CAB39: variants seen among roughly 807,000 people sequenced by gnomAD.
CAB39 encodes calcium-binding protein 39.
In CAB39, 8 loss-of-function variants were observed where a neutral mutation model predicts 40.0. The ratio of observed to expected loss-of-function variants is 0.20; its 90% confidence interval spans 0.12 to 0.36. The LOEUF (loss-of-function observed/expected upper bound fraction) is 0.36. Among genes scored for constraint, CAB39 ranks in the 10% least tolerant of loss-of-function variants. The probability of loss-of-function intolerance (pLI) is 1.00; values close to 1 mark genes in which losing one functional copy is unlikely to be tolerated. For missense variants in CAB39, 270 were observed against 401.1 expected, an observed-to-expected ratio of 0.67 and a Z score of 2.79; for synonymous variants, 156 against 141.6, an observed-to-expected ratio of 1.10 and a Z score of -0.72.
chr2:230,755,798 G>A (rs1467608278), intron 1 of CAB39, among the ~76,000 whole-genome samples: 1 of 152,222 alleles, frequency 6.6e-6, no homozygotes, highest in African/African-American at 2.4e-5. Context: ...TGTATAAAAG[G>A]AAATACTGCT....
rs886367067 is a variant in CAB39, at chr2:230,818,403, T to G, written c.838-113T>G. 5 of 783,468 alleles carry G rather than the reference T, an allele frequency of 6.4e-6. No homozygotes were observed. The African/African-American group carries it at 7.0e-5, about 11-fold the overall frequency. 48.5% of individuals were successfully genotyped at this position (783,468 alleles called of 1,614,324 possible). Reference sequence around the variant, plus strand: ...TAAAGCAAAACCTAATGACCCTGACTTCAGCGCCATCCCAGGAGAGCACAG... The same window carrying G: ...TAAAGCAAAACCTAATGACCCTGACGTCAGCGCCATCCCAGGAGAGCACAG... On this transcript the variant is annotated intron_variant, in intron 8 of 8. Coordinates refer to ENST00000258418, the MANE Select transcript of CAB39 (RefSeq NM_016289.4).
intron 7 of CAB39, among the ~76,000 whole-genome samples, chr2:230,817,551 T>C (rs1696423885): frequency 6.6e-6 from 1 of 152,094 alleles, no homozygotes; most frequent in Non-Finnish European, 1.5e-5. Context: ...GTAGACTTCA[T>C]CTCTCAGGGA....
chr2:230,719,172 T>C (rs1327454028), intron 1 of CAB39, among the ~76,000 whole-genome samples: 1 of 152,196 alleles, frequency 6.6e-6, no homozygotes, highest in Non-Finnish European at 1.5e-5. Context: ...ATTAGTTAGC[T>C]TGGGGGAACA....
intron 1 of CAB39, among the ~76,000 whole-genome samples, chr2:230,743,829 G>A (rs533946668): frequency 4.0e-5 from 6 of 150,690 alleles, no homozygotes; most frequent in African/African-American, 1.5e-4. Flanking sequence ...TTTGTCTGCA[G>A]AAATCAGGTA....
intron 5 of CAB39, among the ~76,000 whole-genome samples, chr2:230,807,367 G>T (rs1001650750): frequency 1.3e-5 from 2 of 151,930 alleles, no homozygotes; most frequent in Non-Finnish European, 2.9e-5. Context: ...CTTTTTCTCT[G>T]AGCTGGCGCT....
chr2:230,769,688 G>C (rs1408041112), intron 2 of CAB39, among the ~76,000 whole-genome samples: 2 of 152,026 alleles, frequency 1.3e-5, no homozygotes, highest in Non-Finnish European at 2.9e-5. Flanking sequence ...ATATTAGAAA[G>C]TAGTTTGAGG....
intron 1 of CAB39, among the ~76,000 whole-genome samples, chr2:230,739,459 T>G (rs1694839386): frequency 6.6e-6 from 1 of 152,218 alleles, no homozygotes; most frequent in Non-Finnish European, 1.5e-5. Flanking sequence ...TTACAGATGT[T>G]TCTAAATAAA....
chr2:230,720,276 G>C (rs1694424593), intron 1 of CAB39, among the ~76,000 whole-genome samples: 1 of 152,160 alleles, frequency 6.6e-6, no homozygotes, highest in Admixed American at 6.5e-5. Context: ...GCTGTGGTTG[G>C]TATTAATCCC....
intron 2 of CAB39, among the ~76,000 whole-genome samples, chr2:230,773,550 G>T (rs1695530838): frequency 3.3e-5 from 5 of 152,008 alleles, no homozygotes; most frequent in Admixed American, 3.3e-4. Flanking sequence ...CTCTGTATAG[G>T]CAAGTCCACA....
chr2:230,748,868 A>C (rs952536034), intron 1 of CAB39, among the ~76,000 whole-genome samples: 32 of 123,394 alleles, frequency 2.6e-4, no homozygotes, highest in Admixed American at 5.2e-4. Flanking sequence ...ATATATATAT[A>C]ACAAAATGGT....
intron 2 of CAB39, among the ~76,000 whole-genome samples, chr2:230,761,888 T>TTGTTG (rs1553671528): frequency 0.01 from 1,567 of 149,958 alleles, 31 homozygotes; most frequent in African/African-American, 0.037. Context: ...TTGTTTTTTA[T>TTGTTG]TTGTTGTTGT....
chr2:230,758,726 C>T (rs565225437), intron 1 of CAB39, among the ~76,000 whole-genome samples: 2 of 152,074 alleles, frequency 1.3e-5, no homozygotes, highest in Non-Finnish European at 2.9e-5. Flanking sequence ...GCCACCTTTT[C>T]TTGGGTGTGT....
At position 230,747,275 on chromosome 2, in the gene CAB39, A is replaced by G. The variant is rs537015456; in HGVS notation, c.-43-12684A>G. Among the ~76,000 whole-genome samples, 5 of 152,344 alleles carry G rather than the reference A, an allele frequency of 3.3e-5. No individual in the cohort carries two copies. In the South Asian group the frequency reaches 1.0e-3, roughly 32 times the overall value. On this transcript the variant is annotated intron_variant, in intron 1 of 8. Transcript: ENST00000258418. ...AGAGATGGGCAGCATTTTGACAAGT[A>G]GAGGAGTGAGGGCATTTCTGAGGAG...
intron 1 of CAB39, among the ~76,000 whole-genome samples, chr2:230,727,351 T>G (rs1475975053): frequency 1.3e-5 from 2 of 149,926 alleles, no homozygotes; most frequent in Non-Finnish European, 3.0e-5. Flanking sequence ...AGCACTTGAA[T>G]AGATTGTTAA....
At chr2:230,777,794 C>G (rs766785196) in intron 2 of CAB39, among the ~76,000 whole-genome samples, 3 of 152,176 alleles carry the variant, frequency 2.0e-5, no homozygotes, top group Non-Finnish European at 4.4e-5. Flanking sequence ...ACTTTTACTT[C>G]TAATTCTTTG....
chr2:230,776,644 GA>G (rs1695591673), intron 2 of CAB39, among the ~76,000 whole-genome samples: 1 of 152,110 alleles, frequency 6.6e-6, no homozygotes, highest in African/African-American at 2.4e-5. Context: ...TTGCTCTGGA[GA>G]AACAAGTAGG....
chr2:230,736,643 T>A (rs1222590759), intron 1 of CAB39, among the ~76,000 whole-genome samples: 13 of 152,228 alleles, frequency 8.5e-5, no homozygotes, highest in Admixed American at 8.5e-4. Flanking sequence ...CTGTGGATCC[T>A]TTATTAATGC....
Position 230,787,707 on chromosome 2 carries a change from A to G in CAB39, c.115-3165A>G, listed in dbSNP as rs187175496. Among the ~76,000 whole-genome samples, 3 of 152,284 alleles carry G rather than the reference A, an allele frequency of 2.0e-5. No homozygotes were observed. The East Asian group carries it at 5.8e-4, about 29-fold the overall frequency. ...GGAGTGGTGGTCTGGTGTCTTCTGC[A>G]TTGTACCATTCTGGATAGGGCTGAA... On this transcript the variant is annotated intron_variant, in intron 2 of 8. Transcript: ENST00000258418.
At chr2:230,765,063 T>C (rs1185613979) in intron 2 of CAB39, among the ~76,000 whole-genome samples, 1 of 152,242 alleles carries the variant, frequency 6.6e-6, no homozygotes, top group Non-Finnish European at 1.5e-5. Flanking sequence ...CTTGGCTCAC[T>C]GCAGCCTCTG....
Sources: gnomAD v4.1 joint callset for allele counts (sites outside exome capture counted in the v4.1 genomes callset) on GRCh38, gnomAD v4.1.1 for gene constraint, MANE v1.5 for transcripts, NCBI Gene and HGNC (gene_info 2026-07-23, HGNC 2026-07-21) for gene names.